The following SBF2 variants were observed in gnomAD, a reference collection of about 807,000 sequenced individuals.
SBF2 encodes myotubularin-related protein 13.
In SBF2, 112 loss-of-function variants were observed where a neutral mutation model predicts 225.2. The observed-to-expected ratio is 0.50, with a 90% CI of 0.43 to 0.58. The LOEUF (loss-of-function observed/expected upper bound fraction) is 0.58. Among genes scored for constraint, SBF2 ranks in the 20% least tolerant of loss-of-function variants. The pLI is 0.00. For missense variants in SBF2, 1,996 were observed against 2,206.2 expected, an observed-to-expected ratio of 0.90 and a Z score of 1.91; for synonymous variants, 763 against 773.3, an observed-to-expected ratio of 0.99 and a Z score of 0.22.
intron 2 of SBF2, among the ~76,000 whole-genome samples, chr11:10,161,812 A>AAAG: frequency 6.6e-6 from 1 of 151,774 alleles, no homozygotes; most frequent in Non-Finnish European, 1.5e-5. Flanking sequence ...ACAAAAAAAA[A>AAAG]AAATAATAAT....
At chr11:9,941,058 G>A (rs982452456) in intron 16 of SBF2, among the ~76,000 whole-genome samples, 2 of 152,184 alleles carry the variant, frequency 1.3e-5, no homozygotes, top group Non-Finnish European at 2.9e-5. Context: ...GCTCATGCCT[G>A]TAATCCCAGC....
intron 2 of SBF2, among the ~76,000 whole-genome samples, chr11:10,107,431 TAG>T (rs1185260175): frequency 6.6e-6 from 1 of 152,208 alleles, no homozygotes; most frequent in Non-Finnish European, 1.5e-5. Context: ...TGACTCCATT[TAG>T]GTAAAATTCT....
intron 16 of SBF2, among the ~76,000 whole-genome samples, chr11:9,920,341 G>C (rs1183517313): frequency 6.6e-6 from 1 of 152,110 alleles, no homozygotes; most frequent in Non-Finnish European, 1.5e-5. Flanking sequence ...CTTTGGCAGG[G>C]AGATAGGGAG....
intron 2 of SBF2, among the ~76,000 whole-genome samples, chr11:10,065,777 G>A (rs576572322): frequency 3.9e-5 from 6 of 152,080 alleles, no homozygotes; most frequent in South Asian, 2.1e-4. Flanking sequence ...GTGAAACCCC[G>A]TCTCTACTAA....
intron 28 of SBF2, among the ~76,000 whole-genome samples, chr11:9,821,594 TA>T (rs1854759172): frequency 1.3e-5 from 2 of 152,226 alleles, no homozygotes; most frequent in Admixed American, 6.5e-5. Flanking sequence ...CCTGGGCACT[TA>T]ACACCAGCAA....
chr11:10,208,927 G>C (rs957468893), intron 1 of SBF2, among the ~76,000 whole-genome samples: 2 of 152,052 alleles, frequency 1.3e-5, no homozygotes, highest in African/African-American at 4.8e-5. Context: ...GATAAGACTA[G>C]TACATAGCAA....
chr11:10,187,491 C>T (rs1408429588), intron 2 of SBF2, among the ~76,000 whole-genome samples: 1 of 152,130 alleles, frequency 6.6e-6, no homozygotes, highest in Non-Finnish European at 1.5e-5. Context: ...CTCATCTCCT[C>T]CCCTGCCTTA....
At chr11:10,244,936 G>A (rs373786862) in intron 1 of SBF2, among the ~76,000 whole-genome samples, 56 of 151,736 alleles carry the variant, frequency 3.7e-4, no homozygotes, top group African/African-American at 1.1e-3. Context: ...AGAAGTTCAC[G>A]ACAGCCTGGA....
rs7127568 is a variant in SBF2 at position 10,095,552 on chromosome 11, A to T, written c.142-52571T>A. Among the ~76,000 whole-genome samples the T allele has an allele frequency of 3.0e-3, 112 of 36,740 alleles. 1 individual carries two copies. In the East Asian group the frequency reaches 0.051, roughly 17 times the overall value. 24.1% of individuals were successfully genotyped at this position (36,740 alleles called of 152,430 possible). On this transcript the variant is annotated intron_variant, in intron 2 of 39. Coordinates refer to ENST00000256190, the MANE Select transcript of SBF2 (RefSeq NM_030962.4). ...ATCACTGAACTCCACAAGCTTTTTT[A>T]AAAAAAATCAACTGCTGCTAGGTGT...
chr11:9,965,258 A>G (rs1454166605), intron 14 of SBF2, among the ~76,000 whole-genome samples: 1 of 151,678 alleles, frequency 6.6e-6, no homozygotes, highest in Non-Finnish European at 1.5e-5. Flanking sequence ...CTTTCATCTC[A>G]TCAATACAAA....
intron 1 of SBF2, among the ~76,000 whole-genome samples, chr11:10,256,952 A>C (rs1960913905): frequency 6.6e-6 from 1 of 152,256 alleles, no homozygotes. Context: ...ATTATAGAAG[A>C]ATGATTGTAC....
At chr11:9,840,460 A>G (rs1856053596) in intron 25 of SBF2, among the ~76,000 whole-genome samples, 1 of 152,210 alleles carries the variant, frequency 6.6e-6, no homozygotes, top group African/African-American at 2.4e-5. Context: ...TCAGGAAAAT[A>G]ATACCATTTA....
chr11:9,838,583 G>C (rs1212129296), intron 26 of SBF2: 4 of 152,144 alleles, frequency 2.6e-5, no homozygotes, highest in African/African-American at 4.8e-5. Flanking sequence ...ACTTGTTTCT[G>C]AAGTTTCATA....
At chr11:10,118,059 GAAAC>G (rs890887414) in intron 2 of SBF2, among the ~76,000 whole-genome samples, 1 of 152,198 alleles carries the variant, frequency 6.6e-6, no homozygotes, top group Middle Eastern at 3.4e-3. Context: ...ACAAGTTAAA[GAAAC>G]AAACAAAGCC....
At chr11:10,104,120 C>T (rs1952446098) in intron 2 of SBF2, among the ~76,000 whole-genome samples, 2 of 151,778 alleles carry the variant, frequency 1.3e-5, no homozygotes, top group Admixed American at 6.6e-5. Context: ...GTGCCATTTC[C>T]ATAAATGTGT....
intron 25 of SBF2, among the ~76,000 whole-genome samples, chr11:9,841,825 C>T (rs184294126): frequency 2.0e-5 from 3 of 152,310 alleles, no homozygotes; most frequent in African/African-American, 4.8e-5. Flanking sequence ...TGAGCCACTG[C>T]GCCTGGCCCA....
intron 32 of SBF2, among the ~76,000 whole-genome samples, chr11:9,806,787 C>G (rs1467966642): frequency 6.6e-6 from 1 of 152,070 alleles, no homozygotes; most frequent in Non-Finnish European, 1.5e-5. Context: ...TATGGAGTTT[C>G]TTTTTGGAGT....
chr11:9,921,800 ATTCTGTCTTCAAAGGGC>A (rs1346632828), intron 16 of SBF2, among the ~76,000 whole-genome samples: 1 of 152,246 alleles, frequency 6.6e-6, no homozygotes, highest in Non-Finnish European at 1.5e-5. Flanking sequence ...AATTGGAGTT[ATTCTGTCTTCAAAGGGC>A]TTACAAGCTA....
At chr11:10,197,792 C>T (rs1474600738) in intron 1 of SBF2, among the ~76,000 whole-genome samples, 1 of 152,222 alleles carries the variant, frequency 6.6e-6, no homozygotes, top group Non-Finnish European at 1.5e-5. Context: ...TTTGTCATTT[C>T]AATGAAATTC....
Sources: gnomAD v4.1 joint callset for allele counts (sites outside exome capture counted in the v4.1 genomes callset) on GRCh38, gnomAD v4.1.1 for gene constraint, MANE v1.5 for transcripts, NCBI Gene and HGNC (gene_info 2026-07-23, HGNC 2026-07-21) for gene names.